NBEA: variants seen among roughly 807,000 people sequenced by gnomAD.
The protein encoded by NBEA is lysosomal-trafficking regulator 2.
NBEA carries 44 observed loss-of-function variants against 343.4 expected under a neutral mutation model. The observed-to-expected ratio is 0.13, with a 90% CI of 0.10 to 0.16. The LOEUF (loss-of-function observed/expected upper bound fraction) is 0.16, where lower values mean the gene tolerates loss of function less well. Among genes scored for constraint, NBEA ranks in the 10% least tolerant of loss-of-function variants. The probability of loss-of-function intolerance (pLI) is 1.00; values close to 1 mark genes in which losing one functional copy is unlikely to be tolerated. For synonymous variants in NBEA, 1,175 were observed against 1,238.7 expected (o/e 0.95, Z 1.08); for missense variants, 2,555 against 3,631.3 (o/e 0.70, Z 7.62).
chr13:35,070,852 G>A lies in NBEA; in HGVS notation c.1571G>A (p.Cys524Tyr). The A allele has an allele frequency of 6.2e-7, 1 of 1,609,216 alleles. No individual in the cohort carries two copies. Among genetic ancestry groups the A allele is most frequent in the South Asian group, 1.1e-5 (1 of 90,774 alleles). The change falls in exon 10 of 59, where the codon TGT (cysteine) becomes TAT (tyrosine). Residue 524 changes from cysteine to tyrosine, a missense_variant and splice_region_variant. This residue lies in a region of NBEA where 360 missense variants were observed against 519.1 expected (regional missense o/e 0.69). Transcript: ENST00000379939. ...GACAGTCAAGTGGAAACAACTGTCT[G>A]GTAAGTTTTCTTTGCATGTACAATT... The part of the protein sequence containing the change: ...LNDSQVETTV[C>Y]ATLLAFLVEL...
At chr13:35,231,389 C>A (rs960971132) in intron 33 of NBEA, among the ~76,000 whole-genome samples, 1 of 151,618 alleles carries the variant, frequency 6.6e-6, no homozygotes, top group African/African-American at 2.4e-5. Flanking sequence ...ACCTTTTTTT[C>A]ATTTATAAAT....
At chr13:35,312,260 C>G (rs1255485921) in intron 36 of NBEA, among the ~76,000 whole-genome samples, 5 of 152,130 alleles carry the variant, frequency 3.3e-5, no homozygotes, top group Non-Finnish European at 7.3e-5. Flanking sequence ...ATGCATTCCA[C>G]TGAGTGGTGG....
chr13:35,345,471 G>A (rs1018470671), intron 36 of NBEA, among the ~76,000 whole-genome samples: 1 of 151,820 alleles, frequency 6.6e-6, no homozygotes, highest in African/African-American at 2.4e-5. Flanking sequence ...AGTGAGCTTA[G>A]GATAGTAAAG....
At chr13:35,181,523 T>TA (rs1308450857) in intron 28 of NBEA, among the ~76,000 whole-genome samples, 4 of 151,412 alleles carry the variant, frequency 2.6e-5, no homozygotes, top group African/African-American at 7.3e-5. Flanking sequence ...TTTTTTTTGC[T>TA]AATTTGTTTG....
At chr13:35,469,947 C>T (rs1374839169) in intron 40 of NBEA, among the ~76,000 whole-genome samples, 1 of 152,190 alleles carries the variant, frequency 6.6e-6, no homozygotes, top group African/African-American at 2.4e-5. Context: ...TCCAAAGGCT[C>T]CCCCAAAGGG....
At position 35,549,235 on chromosome 13, in the gene NBEA, T is replaced by G. The variant is rs115904367; in HGVS notation, c.6586-1242T>G. 9.0e-3 allele frequency among the ~76,000 whole-genome samples: 1,371 copies of G among 152,230 alleles called. 25 individuals are homozygous for G. Among genetic ancestry groups the G allele is most frequent in the African/African-American group, 0.032 (1,321 of 41,530 alleles). On this transcript the variant is annotated intron_variant, in intron 41 of 58. Transcript: ENST00000379939. Reference sequence around the variant, plus strand: ...TTTTCAAAAAATAAAGACCAAAAGATTATACACTTACATATTTTATGTATA... The same window carrying G: ...TTTTCAAAAAATAAAGACCAAAAGAGTATACACTTACATATTTTATGTATA...
intron 36 of NBEA, among the ~76,000 whole-genome samples, chr13:35,310,999 C>T (rs1272566174): frequency 6.6e-6 from 1 of 151,960 alleles, no homozygotes; most frequent in Non-Finnish European, 1.5e-5. Flanking sequence ...TTATATTTCT[C>T]ATTTTGATAT....
chr13:35,618,114 TG>T (rs2082817515), intron 48 of NBEA, among the ~76,000 whole-genome samples: 1 of 152,214 alleles, frequency 6.6e-6, no homozygotes, highest in South Asian at 2.1e-4. Flanking sequence ...TTCAGTTATT[TG>T]AAAGAGTTCT....
chr13:35,593,196 T>C (rs2081613771), intron 46 of NBEA, 132 bp from the exon 47 acceptor site: 5 of 936,280 alleles, frequency 5.3e-6, no homozygotes, highest in Admixed American at 3.2e-5. Context: ...CTGCCTTAAT[T>C]TGGGGGCATC....
chr13:35,442,390 A>G (rs1470362803), intron 39 of NBEA, among the ~76,000 whole-genome samples: 3 of 152,112 alleles, frequency 2.0e-5, no homozygotes, highest in Non-Finnish European at 4.4e-5. Context: ...ATTTTAAATA[A>G]TTAAAAATCT....
At chr13:35,043,336 G>A (rs1277043524) in intron 2 of NBEA, among the ~76,000 whole-genome samples, 1 of 151,746 alleles carries the variant, frequency 6.6e-6, no homozygotes, top group Non-Finnish European at 1.5e-5. Flanking sequence ...ATGAAGTCTT[G>A]TATAACCTGA....
chr13:35,110,697 G>A, intron 12 of NBEA, 113 bp from the exon 13 acceptor site: 1 of 680,398 alleles, frequency 1.5e-6, no homozygotes, highest in Non-Finnish European at 2.2e-6. Context: ...CATAATAAAT[G>A]GTCATTTCTT....
Position 35,670,974 on chromosome 13 carries a change from C to T in NBEA, c.8887C>T (p.His2963Tyr). The T allele has an allele frequency of 1.3e-6, 2 of 1,579,196 alleles. No individual in the cohort carries two copies. The highest frequency in any genetic ancestry group is 1.7e-6 in the Non-Finnish European group (2 of 1,160,734). ...AGATTTTAATCGGTGGCATTATGAG[C>T]ATCAGAACAGATACTGAAGATAAAG... The part of the protein sequence containing the change: ...NIDFNRWHYE[H>Y]QNRY Residue 2963 changes from histidine (H) to tyrosine (Y), a missense_variant, in exon 59 of 59, where the codon CAT becomes TAT. Physicochemically the swap from His to Tyr is moderately conservative, Grantham distance 83. Transcript: ENST00000379939.
chr13:35,474,967 T>C, intron 41 of NBEA: 1 of 1,342,576 alleles, frequency 7.4e-7, no homozygotes, highest in Non-Finnish European at 1.0e-6. Context: ...TTGTTTGCAC[T>C]GCGGAGTGGA....
chr13:35,608,301 T>C (rs1442983033), intron 48 of NBEA, among the ~76,000 whole-genome samples: 1 of 152,208 alleles, frequency 6.6e-6, no homozygotes, highest in African/African-American at 2.4e-5. Context: ...TTTCATACTA[T>C]TCCCTTGAAC....
At position 35,519,145 on chromosome 13, in the gene NBEA, A is replaced by G. The variant is rs1272917605; in HGVS notation, c.6586-31332A>G. On this transcript the variant is annotated intron_variant, in intron 41 of 58. Coordinates refer to ENST00000379939, the MANE Select transcript of NBEA (RefSeq NM_001385012.1). Reference sequence around the variant, plus strand: ...CTTTTCTTCTTGTTTTTTAACTCCAAACTTCCTTTATCAAGACTTCTTTTG... The same window carrying G: ...CTTTTCTTCTTGTTTTTTAACTCCAGACTTCCTTTATCAAGACTTCTTTTG... Among the ~76,000 whole-genome samples the G allele has an allele frequency of 2.0e-5, 3 of 152,112 alleles. 1 individual carries two copies. The highest frequency in any genetic ancestry group is 7.2e-5 in the African/African-American group (3 of 41,416).
At chr13:35,331,821 A>G (rs1227414892) in intron 36 of NBEA, among the ~76,000 whole-genome samples, 1 of 152,058 alleles carries the variant, frequency 6.6e-6, no homozygotes, top group East Asian at 1.9e-4. Context: ...TCTGTTTCCT[A>G]TGGAAAATAA....
At chr13:35,073,983 TAG>T (rs2063995338) in intron 10 of NBEA, among the ~76,000 whole-genome samples, 1 of 152,158 alleles carries the variant, frequency 6.6e-6, no homozygotes, top group African/African-American at 2.4e-5. Flanking sequence ...TTTCATTTTC[TAG>T]AGTCTTCAAA....
In NBEA at chr13:35,583,949, G is replaced by A. The variant is rs1249933818; in HGVS notation, c.7087G>A (p.Glu2363Lys). 1 of 1,613,510 alleles carries A rather than the reference G, an allele frequency of 6.2e-7. No homozygotes were observed. The highest frequency in any genetic ancestry group is 1.7e-5 in the Admixed American group (1 of 60,000). The change falls in exon 46 of 59, where the codon GAG becomes AAG. Residue 2363 changes from glutamate to lysine, a missense_variant. Physicochemically the swap from Glu to Lys is moderately conservative, Grantham distance 56 (BLOSUM62 1). This residue lies in a region of NBEA where 156 missense variants were observed against 185.8 expected (regional missense o/e 0.84). Coordinates refer to ENST00000379939, the MANE Select transcript of NBEA (RefSeq NM_001385012.1). The stretch of plus-strand genomic sequence containing the variant: ...AGCTGTGTTTTATGCAGAGCGTTAT[G>A]AGACATGGGAAGATGATCAAAGCCC... Reference protein sequence around the residue: ...KRAVFYAERYETWEDDQSPPY... With the variant: ...KRAVFYAERYKTWEDDQSPPY...
Sources: gnomAD v4.1 joint callset for allele counts (sites outside exome capture counted in the v4.1 genomes callset) on GRCh38, gnomAD v4.1.1 for gene constraint, gnomAD v4.1.1 regional missense constraint, MANE v1.5 for transcripts, NCBI Gene and HGNC (gene_info 2026-07-23, HGNC 2026-07-21) for gene names.